XKR4: variants seen among roughly 807,000 people sequenced by gnomAD.
XKR4 encodes XK related 4, also known as XK-related protein 4.
XKR4 carries 12 observed loss-of-function variants against 53.9 expected under a neutral mutation model. The ratio of observed to expected loss-of-function variants is 0.22; its 90% CI spans 0.14 to 0.36. The LOEUF is 0.36. XKR4 is among the 10% of genes least tolerant of loss of function. The pLI is 1.00. For synonymous variants in XKR4, 354 were observed against 362.4 expected (o/e 0.98, Z 0.26); for missense variants, 799 against 859.5 (o/e 0.93, Z 0.88).
At chr8:55,484,555 C>A (rs930676954) in intron 2 of XKR4, among the ~76,000 whole-genome samples, 1 of 152,120 alleles carries the variant, frequency 6.6e-6, no homozygotes, top group Non-Finnish European at 1.5e-5. Context: ...GATTAACATG[C>A]CAAAGAAGAA....
At chr8:55,387,194 G>A (rs1405363378) in intron 2 of XKR4, among the ~76,000 whole-genome samples, 1 of 152,204 alleles carries the variant, frequency 6.6e-6, no homozygotes, top group Non-Finnish European at 1.5e-5. Flanking sequence ...TCTGATTAAA[G>A]TTGTAAGGCA....
intron 1 of XKR4, among the ~76,000 whole-genome samples, chr8:55,328,352 C>A (rs1424045814): frequency 6.6e-6 from 1 of 152,148 alleles, no homozygotes; most frequent in Non-Finnish European, 1.5e-5. Context: ...GGTAGTCCAC[C>A]TTCACCAAAA....
At chr8:55,339,921 G>A (rs1015753607) in intron 1 of XKR4, among the ~76,000 whole-genome samples, 6 of 152,100 alleles carry the variant, frequency 3.9e-5, no homozygotes, top group Non-Finnish European at 7.4e-5. Flanking sequence ...AAATCGGTTG[G>A]ATTTTCCTCT....
At chr8:55,453,964 G>T in intron 2 of XKR4, 1 of 711,012 alleles carries the variant, frequency 1.4e-6, no homozygotes, top group Non-Finnish European at 2.6e-6. Context: ...GCCCACACTG[G>T]CCCAGGAAGG....
chr8:55,279,941 G>A (rs1818816313), intron 1 of XKR4, among the ~76,000 whole-genome samples: 1 of 152,190 alleles, frequency 6.6e-6, no homozygotes, highest in Non-Finnish European at 1.5e-5. Flanking sequence ...AGGCTGAGAT[G>A]AATAAGGGTT....
chr8:55,323,405 G>T (rs2129379758), intron 1 of XKR4, among the ~76,000 whole-genome samples: 1 of 152,164 alleles, frequency 6.6e-6, no homozygotes, highest in South Asian at 2.1e-4. Context: ...TCTCTCTATA[G>T]TTTCACCTTT....
intron 2 of XKR4, chr8:55,451,094 G>A: frequency 1.9e-6 from 1 of 516,886 alleles, no homozygotes; most frequent in Non-Finnish European, 3.5e-6. Context: ...GCACATTCTT[G>A]AGCTGGCCTT....
intron 2 of XKR4, among the ~76,000 whole-genome samples, chr8:55,416,686 C>T (rs1804856529): frequency 2.6e-5 from 4 of 152,152 alleles, no homozygotes. Context: ...TGGCCAGGGC[C>T]CATCAGTCAG....
chr8:55,358,856 G>A (rs1054794187), intron 2 of XKR4, among the ~76,000 whole-genome samples: 6 of 152,170 alleles, frequency 3.9e-5, no homozygotes, highest in African/African-American at 7.2e-5. Flanking sequence ...TGGTTGGTCC[G>A]GGGAATCTCC....
chr8:55,336,302 C>T (rs536744641), intron 1 of XKR4, among the ~76,000 whole-genome samples: 12 of 152,124 alleles, frequency 7.9e-5, no homozygotes, highest in South Asian at 4.2e-4. Context: ...TTTGTCTTGC[C>T]GTCACCATGT....
intron 1 of XKR4, among the ~76,000 whole-genome samples, chr8:55,134,265 T>C (rs1014830911): frequency 2.6e-5 from 4 of 152,230 alleles, no homozygotes; most frequent in Admixed American, 1.3e-4. Context: ...GACCTTCCTT[T>C]CTTTTCTGTT....
At chr8:55,293,758 G>T (rs1461962269) in intron 1 of XKR4, among the ~76,000 whole-genome samples, 2 of 152,046 alleles carry the variant, frequency 1.3e-5, no homozygotes, top group Non-Finnish European at 2.9e-5. Context: ...TGCATAGATG[G>T]GTACTTATAG....
chr8:55,527,374 A>C lies in XKR4; in HGVS notation c.*3147A>C, dbSNP rs1806893881. 1 of 152,186 alleles carries C rather than the reference A, an allele frequency of 6.6e-6. No homozygotes were observed. Among genetic ancestry groups the C allele is most frequent in the Non-Finnish European group, 1.5e-5 (1 of 68,036 alleles). 9.4% of individuals were successfully genotyped at this position (152,186 alleles called of 1,614,324 possible). A position where few individuals can be genotyped will look rare whatever the true frequency, so the allele number is the denominator to read the frequency against. ...GTCTGAGTCCACTTTGATTCCATTT[A>C]AGAGGGAGATCTGCTCTTACTCACT... On this transcript the variant is annotated 3_prime_UTR_variant, in exon 3 of 3. Coordinates refer to ENST00000327381, the MANE Select transcript of XKR4 (RefSeq NM_052898.2).
At chr8:55,379,587 G>T (rs1397746797) in intron 2 of XKR4, among the ~76,000 whole-genome samples, 1 of 152,202 alleles carries the variant, frequency 6.6e-6, no homozygotes, top group African/African-American at 2.4e-5. Flanking sequence ...TGCGCTCTGG[G>T]GCATTGCAGC....
At chr8:55,135,202 A>C (rs933015787) in intron 1 of XKR4, 2 of 154,136 alleles carry the variant, frequency 1.3e-5, no homozygotes, top group African/African-American at 4.8e-5. Context: ...TTACATTTGC[A>C]CCACCCTAAT....
At position 55,197,388 on chromosome 8, in the gene XKR4, C is replaced by T. The variant is rs551717094; in HGVS notation, c.806+94094C>T. On this transcript the variant is annotated intron_variant, in intron 1 of 2. Transcript: ENST00000327381. ...GAGCTGCTTGTTAAGGAACTGCTTG[C>T]GAAAAGTGGATTTTTGCTACTTCAT... Among the ~76,000 whole-genome samples the T allele has an allele frequency of 3.3e-5, 5 of 152,214 alleles. No homozygotes were observed. In the South Asian group the frequency reaches 6.2e-4, roughly 19 times the overall value.
At chr8:55,450,443 G>A (rs1563353319) in intron 2 of XKR4, 1 of 582,886 alleles carries the variant, frequency 1.7e-6, no homozygotes, top group African/African-American at 1.9e-5. Context: ...TCCACACAGA[G>A]ACCTGCAAGG....
chr8:55,343,012 T>G (rs1039269641), intron 1 of XKR4, among the ~76,000 whole-genome samples: 3 of 152,218 alleles, frequency 2.0e-5, no homozygotes, highest in African/African-American at 7.2e-5. Context: ...GACTTTCCTT[T>G]TGGAAACACT....
intron 1 of XKR4, among the ~76,000 whole-genome samples, chr8:55,243,548 T>G (rs1347613697): frequency 6.6e-6 from 1 of 152,258 alleles, no homozygotes; most frequent in Non-Finnish European, 1.5e-5. Flanking sequence ...CAAGTTTTTG[T>G]GTGGACATAA....
Sources: gnomAD v4.1 joint callset for allele counts (sites outside exome capture counted in the v4.1 genomes callset) on GRCh38, gnomAD v4.1.1 for gene constraint, MANE v1.5 for transcripts, NCBI Gene and HGNC (gene_info 2026-07-23, HGNC 2026-07-21) for gene names.